COBL: variants seen among roughly 807,000 people sequenced by gnomAD.
COBL encodes the protein protein cordon-bleu.
Under a neutral mutation model 98.8 loss-of-function variants are expected in COBL, and 51 were observed. The ratio of observed to expected loss-of-function variants is 0.52; its 90% CI spans 0.41 to 0.65. The LOEUF (loss-of-function observed/expected upper bound fraction) is 0.65. Ranked by LOEUF, COBL falls within the 30% of genes least tolerant of loss-of-function variation. The pLI is 0.00. For missense variants in COBL, 1,617 were observed against 1,617.5 expected (o/e 1.00, Z 0.01); for synonymous variants, 634 against 651.7 (o/e 0.97, Z 0.41).
chr7:51,275,263 G>C (rs1799193711), intron 1 of COBL, among the ~76,000 whole-genome samples: 2 of 152,208 alleles, frequency 1.3e-5, no homozygotes, highest in Non-Finnish European at 2.9e-5. Flanking sequence ...CAAAGGACCT[G>C]AGGGAGAGGC....
At chr7:51,276,319 G>C (rs980218259) in intron 1 of COBL, among the ~76,000 whole-genome samples, 1 of 152,208 alleles carries the variant, frequency 6.6e-6, no homozygotes, top group Non-Finnish European at 1.5e-5. Flanking sequence ...AGTTGGTCCT[G>C]CTGTGGCTTC....
chr7:51,064,495 C>T (rs1035996757), intron 7 of COBL: 2 of 152,220 alleles, frequency 1.3e-5, no homozygotes, highest in African/African-American at 4.8e-5. Flanking sequence ...GTGGTCTATA[C>T]ATATACTTGA....
At position 51,028,536 on chromosome 7, in the gene COBL, C is replaced by A. The variant is rs1315235226; in HGVS notation, c.2560G>T (p.Val854Phe). 8.1e-6 allele frequency: 13 copies of A among 1,614,168 alleles called. No individual in the cohort carries two copies. Among genetic ancestry groups the A allele is most frequent in the Non-Finnish European group, 1.1e-5 (13 of 1,180,064 alleles). Residue 854 changes from valine (V) to phenylalanine (F), a missense_variant, in exon 10 of 13, where the codon GTC (valine) becomes TTC (phenylalanine). Val to Phe is a conservative substitution (Grantham distance 50, BLOSUM62 -1). Around this residue, in one of 3 missense-constraint regions of COBL, gnomAD observed 1,304 missense variants for 1,282.0 expected, o/e 1.02. Transcript: ENST00000265136. ...CTTCTCTGAGGCTTGAGAAATGTGA[C>A]TTCTGTGGTGTGAGCTGCTGGCACC... ...VRVPAAHTTE[V>F]TFLKPQRRTS...
intron 8 of COBL, among the ~76,000 whole-genome samples, chr7:51,038,944 G>A (rs1013242703): frequency 5.9e-5 from 9 of 152,294 alleles, no homozygotes; most frequent in African/African-American, 1.2e-4. Flanking sequence ...AGACAAACAC[G>A]GGTTCTGGGA....
At chr7:51,058,598 A>T (rs1448892531) in intron 7 of COBL, among the ~76,000 whole-genome samples, 1 of 146,672 alleles carries the variant, frequency 6.8e-6, no homozygotes, top group Non-Finnish European at 1.5e-5. Context: ...ACAACCCCCC[A>T]AAACAATTAC....
At chr7:51,145,074 G>A (rs10268143) in intron 5 of COBL, among the ~76,000 whole-genome samples, 5,213 of 152,204 alleles carry the variant, frequency 0.034, 291 homozygotes, top group African/African-American at 0.12. Flanking sequence ...GAGTGCAGTG[G>A]TGCGATCTCA....
At position 51,268,973 on chromosome 7, in the gene COBL, C is replaced by A. The variant is rs768397217; in HGVS notation, c.41+47620G>T. Among the ~76,000 whole-genome samples, 130 of 150,124 alleles carry A rather than the reference C, an allele frequency of 8.7e-4. 1 individual carries two copies. The highest frequency in any genetic ancestry group is 1.3e-3 in the Non-Finnish European group (85 of 67,576). On this transcript the variant is annotated intron_variant, in intron 1 of 12. Transcript: ENST00000265136. ...AAAAAAATTCAGGCTTCCCAGAAGA[C>A]ACAGCTGGAGCTGGAGCAGTTGTGC...
chr7:51,121,034 G>A (rs545693003), intron 6 of COBL, among the ~76,000 whole-genome samples: 74 of 152,186 alleles, frequency 4.9e-4, no homozygotes, highest in African/African-American at 1.6e-3. Flanking sequence ...ATATATGCCC[G>A]GAAGTGAAAT....
intron 2 of COBL, among the ~76,000 whole-genome samples, chr7:51,207,558 T>C (rs1279623971): frequency 1.3e-5 from 2 of 152,308 alleles, no homozygotes; most frequent in African/African-American, 4.8e-5. Context: ...GCCTGCCGAG[T>C]GCCTGCGATT....
In COBL at chr7:51,241,539, T is replaced by C. The variant is rs193160774; in HGVS notation, c.42-21595A>G. On this transcript the variant is annotated intron_variant, in intron 1 of 12. Transcript: ENST00000265136. ...ATCACCGATTAACATTTTAGTGATGTAGCTCCTGCTCCAGAGGAAGAGAAA... is the reference window on the plus strand; with the variant it reads ...ATCACCGATTAACATTTTAGTGATGCAGCTCCTGCTCCAGAGGAAGAGAAA... 1.1e-4 allele frequency among the ~76,000 whole-genome samples: 17 copies of C among 152,336 alleles called. No individual in the cohort carries two copies. In the East Asian group the frequency reaches 1.7e-3, roughly 16 times the overall value.
At chr7:51,203,357 G>A (rs1791335884) in intron 2 of COBL, among the ~76,000 whole-genome samples, 1 of 137,220 alleles carries the variant, frequency 7.3e-6, no homozygotes, top group African/African-American at 3.0e-5. Flanking sequence ...AGCTACTCGG[G>A]AGGCTGAGGC....
Position 51,043,540 on chromosome 7 carries a change from C to T in COBL, c.1249G>A (p.Val417Ile), listed in dbSNP as rs142585520. 436 of 1,614,184 alleles carry T rather than the reference C, an allele frequency of 2.7e-4. 2 individuals carry two copies. The African/African-American group carries it at 4.9e-3, about 18-fold the overall frequency. Residue 417 changes from valine (V) to isoleucine (I), a missense_variant, in exon 8 of 13, where the codon GTC (valine) becomes ATC (isoleucine). Val to Ile is a conservative substitution (Grantham distance 29). Around this residue, in one of 3 missense-constraint regions of COBL, gnomAD observed 1,304 missense variants for 1,282.0 expected, o/e 1.02. Transcript: ENST00000265136. ...SGVMSSPSDIVSLDSQQDSMK... is the reference protein window; with the variant it reads ...SGVMSSPSDIISLDSQQDSMK... Reference sequence around the variant, plus strand: ...CTGTCCTGCTGCGAGTCCAGAGAGACGATGTCTGAGGGGGAACTCATCACT... The same window carrying T: ...CTGTCCTGCTGCGAGTCCAGAGAGATGATGTCTGAGGGGGAACTCATCACT...
intron 6 of COBL, among the ~76,000 whole-genome samples, chr7:51,128,678 C>T (rs1392026104): frequency 6.6e-6 from 1 of 152,274 alleles, no homozygotes; most frequent in Non-Finnish European, 1.5e-5. Flanking sequence ...GCTGCTCCTG[C>T]GGCCTCCCCT....
At chr7:51,224,226 T>C (rs1425550736) in intron 1 of COBL, among the ~76,000 whole-genome samples, 2 of 152,166 alleles carry the variant, frequency 1.3e-5, no homozygotes, top group East Asian at 1.9e-4. Context: ...TTTCTCAGAG[T>C]GCGCCCCTAT....
chr7:51,201,417 T>C (rs1791114545), intron 2 of COBL, among the ~76,000 whole-genome samples: 1 of 152,080 alleles, frequency 6.6e-6, no homozygotes, highest in Non-Finnish European at 1.5e-5. Flanking sequence ...ATATTAATAC[T>C]TAAACCACCA....
chr7:51,275,743 G>T (rs949275396), intron 1 of COBL, among the ~76,000 whole-genome samples: 1 of 152,172 alleles, frequency 6.6e-6, no homozygotes, highest in African/African-American at 2.4e-5. Context: ...TCCCAACAAC[G>T]GTGAAAACAC....
chr7:51,292,146 C>CAAA (rs796266265), intron 1 of COBL, among the ~76,000 whole-genome samples: 1 of 84,900 alleles, frequency 1.2e-5, no homozygotes. Context: ...GACTTTGACT[C>CAAA]AAAAAAAAAA....
intron 1 of COBL, among the ~76,000 whole-genome samples, chr7:51,275,482 C>A (rs1429113931): frequency 1.3e-5 from 2 of 152,174 alleles, no homozygotes; most frequent in East Asian, 1.9e-4. Context: ...TTCTGAGATC[C>A]CAGCTCCACG....
At chr7:51,313,605 A>G (rs1367114782) in intron 1 of COBL, among the ~76,000 whole-genome samples, 2 of 152,176 alleles carry the variant, frequency 1.3e-5, no homozygotes, top group Non-Finnish European at 2.9e-5. Context: ...ATTGGAGATT[A>G]CTGTATTCTA....
Sources: allele counts gnomAD v4.1 joint callset (sites outside exome capture counted in the v4.1 genomes callset), GRCh38; gene constraint gnomAD v4.1.1; regional missense constraint gnomAD v4.1.1; transcripts MANE v1.5; gene names NCBI Gene and HGNC (gene_info 2026-07-23, HGNC 2026-07-21).